Variants in MCF2L2 observed in about 807,000 individuals in gnomAD.
MCF2L2 encodes probable guanine nucleotide exchange factor MCF2L2.
In MCF2L2, 102 loss-of-function variants were observed where a neutral mutation model predicts 150.2. The observed-to-expected ratio is 0.68, with a 90% CI of 0.58 to 0.80. The LOEUF (loss-of-function observed/expected upper bound fraction) is 0.80. MCF2L2 is among the 30% of genes least tolerant of loss of function. The pLI is 0.00. For synonymous variants in MCF2L2, 465 were observed against 491.3 expected (o/e 0.95, Z 0.71); for missense variants, 1,256 against 1,372.8 (o/e 0.91, Z 1.34).
At chr3:183,408,916 A>T (rs567410545) in intron 1 of MCF2L2, among the ~76,000 whole-genome samples, 18 of 152,362 alleles carry the variant, frequency 1.2e-4, no homozygotes, top group African/African-American at 4.3e-4. Context: ...TCTATACTAA[A>T]TAAAAGTGCA....
At chr3:183,183,044 G>C (rs1007098906) in intron 27 of MCF2L2, among the ~76,000 whole-genome samples, 1 of 152,182 alleles carries the variant, frequency 6.6e-6, no homozygotes, top group African/African-American at 2.4e-5. Context: ...CACCCAGGTT[G>C]GAGTGCAGTT....
At chr3:183,290,355 A>C (rs931264878) in intron 13 of MCF2L2, among the ~76,000 whole-genome samples, 5 of 150,600 alleles carry the variant, frequency 3.3e-5, no homozygotes, top group African/African-American at 1.2e-4. Context: ...GAAGGCCTCA[A>C]GGCTTCCTAA....
intron 27 of MCF2L2, among the ~76,000 whole-genome samples, chr3:183,186,678 G>A (rs1721706557): frequency 1.3e-5 from 2 of 152,328 alleles, no homozygotes; most frequent in South Asian, 2.1e-4. Flanking sequence ...AGTGAGCCAA[G>A]TTCGTGCCAT....
intron 25 of MCF2L2, 47 bp downstream of exon 25, chr3:183,205,829 T>G (rs767446506): frequency 1.2e-5 from 18 of 1,449,706 alleles, no homozygotes; most frequent in Non-Finnish European, 1.7e-5. Flanking sequence ...CCCACTGAGC[T>G]GAAATCAGTA....
chr3:183,222,001 A>G (rs1262468576), intron 20 of MCF2L2, among the ~76,000 whole-genome samples: 1 of 152,208 alleles, frequency 6.6e-6, no homozygotes, highest in African/African-American at 2.4e-5. Flanking sequence ...GCTAATGGAA[A>G]GCTTGAAAGG....
At chr3:183,310,867 AG>A in intron 9 of MCF2L2, 47 bp downstream of exon 9, 1 of 1,282,506 alleles carries the variant, frequency 7.8e-7, no homozygotes, top group Non-Finnish European at 1.1e-6. Flanking sequence ...AGAAAACCAG[AG>A]GTCCCGGTAC....
At chr3:183,296,737 C>T in intron 12 of MCF2L2, 1 of 475,366 alleles carries the variant, frequency 2.1e-6, no homozygotes, top group South Asian at 2.8e-5. Flanking sequence ...GCACATGGTA[C>T]ATCAGGAATG....
At chr3:183,380,057 T>A (rs1713426671) in intron 2 of MCF2L2, among the ~76,000 whole-genome samples, 1 of 152,150 alleles carries the variant, frequency 6.6e-6, no homozygotes, top group Non-Finnish European at 1.5e-5. Flanking sequence ...TAATTATTAT[T>A]ATTACAAGGA....
At chr3:183,334,644 T>G (rs984439807) in intron 5 of MCF2L2, among the ~76,000 whole-genome samples, 3 of 150,618 alleles carry the variant, frequency 2.0e-5, no homozygotes, top group Admixed American at 6.6e-5. Flanking sequence ...AATACAAAAA[T>G]TATCCGGATG....
At chr3:183,311,857 G>A in intron 7 of MCF2L2, 85 bp from the exon 8 acceptor site, 1 of 1,229,886 alleles carries the variant, frequency 8.1e-7, no homozygotes, top group South Asian at 1.5e-5. Context: ...TAGTAGATCA[G>A]TACATTTTTC....
At chr3:183,272,522 AT>A (rs1350633862) in intron 15 of MCF2L2, 1 of 993,842 alleles carries the variant, frequency 1.0e-6, no homozygotes, top group African/African-American at 1.8e-5. Flanking sequence ...AGAAATTTTA[AT>A]TTTTTTCTAT....
At position 183,270,688 on chromosome 3, in the gene MCF2L2, C is replaced by T. The variant is rs147845897; in HGVS notation, c.1862+6184G>A. On this transcript the variant is annotated intron_variant, in intron 15 of 29. Coordinates refer to ENST00000328913, the MANE Select transcript of MCF2L2 (RefSeq NM_015078.4). This position sits in a 1 kb window ranked among gnomAD's most constrained non-coding sequence, Gnocchi z 4.5. ...TGTGCCAATAAAATAGGGATAGTACCGCAGGACCATGTGTTTTTTTCTGGA... is the reference window on the plus strand; with the variant it reads ...TGTGCCAATAAAATAGGGATAGTACTGCAGGACCATGTGTTTTTTTCTGGA... 4.6e-4 allele frequency: 749 copies of T among 1,613,940 alleles called. No individual in the cohort carries two copies. Among genetic ancestry groups the T allele is most frequent in the Non-Finnish European group, 6.0e-4 (707 of 1,179,964 alleles).
chr3:183,379,921 TTTA>T (rs1560048916), intron 2 of MCF2L2, among the ~76,000 whole-genome samples: 2 of 151,770 alleles, frequency 1.3e-5, no homozygotes, highest in Non-Finnish European at 2.9e-5. Context: ...GACCTACCAT[TTTA>T]TTATATAGGA....
At chr3:183,272,018 A>C in intron 15 of MCF2L2, 1 of 439,464 alleles carries the variant, frequency 2.3e-6, no homozygotes, top group South Asian at 1.0e-4. Context: ...CATCAAAGTT[A>C]TAATATCTAA....
At chr3:183,242,819 G>T (rs560569470) in intron 15 of MCF2L2, among the ~76,000 whole-genome samples, 18 of 152,322 alleles carry the variant, frequency 1.2e-4, no homozygotes, top group African/African-American at 3.8e-4. Flanking sequence ...TGGAAAAGCT[G>T]CAGATACCCA....
chr3:183,363,568 AC>A (rs1321075463), intron 3 of MCF2L2, among the ~76,000 whole-genome samples: 4 of 132,750 alleles, frequency 3.0e-5, no homozygotes, highest in Non-Finnish European at 3.3e-5. Context: ...ACATAGGGAG[AC>A]CCCAACTCTA....
chr3:183,411,632 A>G (rs908055258), intron 1 of MCF2L2, among the ~76,000 whole-genome samples: 1 of 148,788 alleles, frequency 6.7e-6, no homozygotes, highest in African/African-American at 2.5e-5. Flanking sequence ...TTTTTTTTTA[A>G]TAGGGAACAC....
Position 183,179,207 on chromosome 3 carries a change from C to T in MCF2L2, c.*173G>A, listed in dbSNP as rs1721421555. 3.4e-6 allele frequency: 3 copies of T among 882,994 alleles called. No individual in the cohort carries two copies. Among genetic ancestry groups the T allele is most frequent in the East Asian group, 3.3e-5 (1 of 30,058 alleles). The allele number at this position is 882,994 out of a possible 1,614,324, so 54.7% of individuals were successfully genotyped here. On this transcript the variant is annotated 3_prime_UTR_variant, in exon 30 of 30. Transcript: ENST00000328913. The surrounding 1 kb of genome is among the most constrained non-coding windows in gnomAD (Gnocchi z 4.2). ...GAGGTCCCCCGTGCGGAGCTAGGCGCGCACCCAGGACACCCCTCGGGCTCC... is the reference window on the plus strand; with the variant it reads ...GAGGTCCCCCGTGCGGAGCTAGGCGTGCACCCAGGACACCCCTCGGGCTCC...
intron 3 of MCF2L2, among the ~76,000 whole-genome samples, chr3:183,347,085 GA>G (rs1416885922): frequency 6.6e-6 from 1 of 152,098 alleles, no homozygotes; most frequent in Non-Finnish European, 1.5e-5. Context: ...ACCAAAAAAA[GA>G]GCCCGTATAG....
Sources: allele counts gnomAD v4.1 joint callset (sites outside exome capture counted in the v4.1 genomes callset), GRCh38; gene constraint gnomAD v4.1.1; non-coding constraint Gnocchi (gnomAD v3.1); transcripts MANE v1.5; gene names NCBI Gene and HGNC (gene_info 2026-07-23, HGNC 2026-07-21).